The following UGGT2 variants were observed in gnomAD, a reference collection of about 807,000 sequenced individuals.
The protein encoded by UGGT2 is UDP-glucose:glycoprotein glucosyltransferase 2.
A neutral mutation model predicts 192.1 loss-of-function variants in UGGT2; 180 were observed. That is an observed-to-expected ratio of 0.94 (90% CI 0.83 to 1.06). UGGT2 has a LOEUF of 1.06. Among genes scored for constraint, UGGT2 ranks in the 50% least tolerant of loss-of-function variants. The pLI is 0.00. For missense variants in UGGT2, 1,849 were observed against 1,795.7 expected (o/e 1.03, Z -0.54); for synonymous variants, 580 against 591.0 (o/e 0.98, Z 0.27).
Position 95,896,394 on chromosome 13 carries a change from A to G in UGGT2, c.2635-1090T>C, listed in dbSNP as rs983805329. ...TCTTAAAAACACAAAAATGGGCACT[A>G]TAATACTAAAAGTACTCATATAAAC... On this transcript the variant is annotated intron_variant, in intron 22 of 38. Coordinates refer to ENST00000376747, the MANE Select transcript of UGGT2 (RefSeq NM_020121.4). Among the ~76,000 whole-genome samples the G allele has an allele frequency of 5.3e-5, 8 of 152,226 alleles. No individual in the cohort carries two copies. In the South Asian group the frequency reaches 1.0e-3, roughly 20 times the overall value.
At chr13:95,837,687 T>A (rs1887455144) in intron 36 of UGGT2, among the ~76,000 whole-genome samples, 1 of 152,236 alleles carries the variant, frequency 6.6e-6, no homozygotes, top group African/African-American at 2.4e-5. Context: ...GGTTAATGGA[T>A]GTTTGACTGG....
chr13:95,841,064 G>A (rs555881719), intron 36 of UGGT2, among the ~76,000 whole-genome samples: 12 of 152,190 alleles, frequency 7.9e-5, no homozygotes, highest in African/African-American at 2.9e-4. Context: ...GCTGGGGGAA[G>A]CGGAGGGAGA....
At chr13:95,940,144 C>T in intron 15 of UGGT2, 53 bp from the exon 16 acceptor site, 2 of 1,307,712 alleles carry the variant, frequency 1.5e-6, no homozygotes, top group Non-Finnish European at 2.0e-6. Flanking sequence ...AATTAGTTTT[C>T]TTTTTTTTCC....
At chr13:95,942,740 T>C (rs1228619478) in intron 15 of UGGT2, among the ~76,000 whole-genome samples, 1 of 152,166 alleles carries the variant, frequency 6.6e-6, no homozygotes, top group Non-Finnish European at 1.5e-5. Flanking sequence ...CTCCTGCTTA[T>C]AACATTTTTC....
intron 17 of UGGT2, among the ~76,000 whole-genome samples, chr13:95,933,651 T>C (rs976113240): frequency 6.6e-6 from 1 of 151,328 alleles, no homozygotes; most frequent in Admixed American, 6.6e-5. Flanking sequence ...TGATGTTAAG[T>C]CATTATTTTG....
chr13:95,802,872 C>T (rs570483328), intron 38 of UGGT2, among the ~76,000 whole-genome samples: 1 of 152,286 alleles, frequency 6.6e-6, no homozygotes, highest in South Asian at 2.1e-4. Flanking sequence ...CTCACTCAGT[C>T]GTCCAGGCTG....
In UGGT2 at chr13:95,833,049, T is replaced by C; in HGVS notation, c.4406A>G (p.Asn1469Ser). 4 of 1,611,654 alleles carry C rather than the reference T, an allele frequency of 2.5e-6. No homozygotes were observed. The highest frequency in any genetic ancestry group is 3.4e-6 in the Non-Finnish European group (4 of 1,178,514). Residue 1469 changes from asparagine to serine, a missense_variant, in exon 38 of 39, where the codon AAT becomes AGT. Transcript: ENST00000376747. ...TTTGGATTCTTTTGTTTTGGGATTA[T>C]TGCACTAAAAGTTTAAGTAAATTTT... ...KQRAKTIDLCNNPKTKESKLK... is the reference protein window; with the variant it reads ...KQRAKTIDLCSNPKTKESKLK...
rs745775681 is a variant in UGGT2, at chr13:95,990,076, G to A, written c.831-3C>T. 1.5e-5 allele frequency: 24 copies of A among 1,578,250 alleles called. No individual in the cohort carries two copies. In the Admixed American group the frequency reaches 1.9e-4, roughly 13 times the overall value. On this transcript the variant is annotated splice_region_variant and splice_polypyrimidine_tract_variant and intron_variant, in intron 7 of 38. Coordinates refer to ENST00000376747, the MANE Select transcript of UGGT2 (RefSeq NM_020121.4). The stretch of plus-strand genomic sequence containing the variant: ...CTCTAAGATCTGAATATATTTCTCT[G>A]CATCAAAATATTAAGTGATGTTAAG...
Position 95,903,070 on chromosome 13 carries a change from T to C in UGGT2, c.2296-10A>G, listed in dbSNP as rs746399304. On this transcript the variant is annotated splice_polypyrimidine_tract_variant and intron_variant, in intron 20 of 38. Transcript: ENST00000376747. ...TATGAACACTTGTTTTCTGCAAACA[T>C]ATTTATAGATTAAAAAGACCAGTAT... is the stretch of plus-strand genomic sequence containing the variant. 1.2e-6 allele frequency: 2 copies of C among 1,601,856 alleles called. No homozygotes were observed. The highest frequency in any genetic ancestry group is 1.7e-6 in the Non-Finnish European group (2 of 1,176,448).
chr13:95,869,033 C>T (rs1378984012), intron 29 of UGGT2, among the ~76,000 whole-genome samples: 1 of 134,876 alleles, frequency 7.4e-6, no homozygotes, highest in Non-Finnish European at 1.6e-5. Context: ...TATCCCTCCC[C>T]CCTCCCCTCA....
intron 12 of UGGT2, among the ~76,000 whole-genome samples, chr13:95,957,463 G>A (rs1419506460): frequency 1.3e-5 from 2 of 152,196 alleles, no homozygotes; most frequent in Admixed American, 6.5e-5. Flanking sequence ...CAAATTAGCA[G>A]TCTTATCAGT....
intron 20 of UGGT2, among the ~76,000 whole-genome samples, chr13:95,919,511 T>C (rs7335319): frequency 0.39 from 58,797 of 152,070 alleles, 11,550 homozygotes; most frequent in Middle Eastern, 0.42. Context: ...TAAGCAACTT[T>C]AGCAAAGTCT....
chr13:96,034,238 C>T (rs2052930621), intron 1 of UGGT2, among the ~76,000 whole-genome samples: 1 of 152,112 alleles, frequency 6.6e-6, no homozygotes. Flanking sequence ...TTTCTCCTCT[C>T]AGCTGAGGGC....
At position 96,014,897 on chromosome 13, in the gene UGGT2, G is replaced by T. The variant is rs929396469; in HGVS notation, c.486-1416C>A. 9.9e-5 allele frequency among the ~76,000 whole-genome samples: 15 copies of T among 152,174 alleles called. No individual in the cohort carries two copies. The East Asian group carries it at 1.9e-3, about 20-fold the overall frequency. ...CTGATTTTATCAAATCAGTATCATAGAAGTACATTTAGTAATTTATATAAG... is the reference window on the plus strand; with the variant it reads ...CTGATTTTATCAAATCAGTATCATATAAGTACATTTAGTAATTTATATAAG... On this transcript the variant is annotated intron_variant, in intron 4 of 38. Coordinates refer to ENST00000376747, the MANE Select transcript of UGGT2 (RefSeq NM_020121.4).
chr13:95,807,716 C>CTTTTTTTTTTTTTT lies in UGGT2; in HGVS notation c.4529-5918_4529-5905dup. 4.7e-3 allele frequency among the ~76,000 whole-genome samples: 371 copies of CTTTTTTTTTTTTTT among 78,688 alleles called. 59 individuals are homozygous for CTTTTTTTTTTTTTT. The highest frequency in any genetic ancestry group is 0.015 in the African/African-American group (281 of 19,358). 51.6% of individuals were successfully genotyped at this position (78,688 alleles called of 152,430 possible). On this transcript the variant is annotated intron_variant, in intron 38 of 38. Coordinates refer to ENST00000376747, the MANE Select transcript of UGGT2 (RefSeq NM_020121.4). Reference sequence around the variant, plus strand: ...GTATCTTGAAACCCTCAGCCCTCACCTTTTTTTTTTTTTTTTTTTGCCGTA... The same window carrying CTTTTTTTTTTTTTT: ...GTATCTTGAAACCCTCAGCCCTCACCTTTTTTTTTTTTTTTTTTTTTTTTTTTTTTTTTGCCGTA...
intron 4 of UGGT2, among the ~76,000 whole-genome samples, chr13:96,017,300 T>C (rs1365812009): frequency 6.6e-6 from 1 of 152,138 alleles, no homozygotes; most frequent in Non-Finnish European, 1.5e-5. Context: ...AAGAATGACA[T>C]AGTTTGGGTA....
intron 20 of UGGT2, among the ~76,000 whole-genome samples, chr13:95,917,628 A>G (rs2048720420): frequency 6.6e-6 from 1 of 152,220 alleles, no homozygotes; most frequent in Non-Finnish European, 1.5e-5. Flanking sequence ...AAGCTGGATA[A>G]AGAGTGGAGA....
chr13:96,044,730 A>G (rs1006833630), intron 1 of UGGT2, among the ~76,000 whole-genome samples: 1 of 152,212 alleles, frequency 6.6e-6, no homozygotes, highest in Non-Finnish European at 1.5e-5. Context: ...CTTTATATGC[A>G]TAAAGTAGAA....
At chr13:96,003,391 T>C (rs1018346521) in intron 5 of UGGT2, among the ~76,000 whole-genome samples, 1 of 152,276 alleles carries the variant, frequency 6.6e-6, no homozygotes, top group South Asian at 2.1e-4. Context: ...TGTGGAAGAT[T>C]ATTATAAAGG....
Sources: gnomAD v4.1 joint callset for allele counts (sites outside exome capture counted in the v4.1 genomes callset) on GRCh38, gnomAD v4.1.1 for gene constraint, MANE v1.5 for transcripts, NCBI Gene and HGNC (gene_info 2026-07-23, HGNC 2026-07-21) for gene names.